Variants in KHDRBS1 observed in about 807,000 individuals in gnomAD.
KHDRBS1 encodes KH RNA binding domain containing, signal transduction associated 1, also known as KH domain-containing, RNA-binding, signal transduction-associated protein 1.
KHDRBS1 carries 7 observed loss-of-function variants against 48.4 expected under a neutral mutation model. That is an observed-to-expected ratio of 0.14 (90% CI 0.08 to 0.27). KHDRBS1 has a LOEUF of 0.27. Among genes scored for constraint, KHDRBS1 ranks in the 10% least tolerant of loss-of-function variants. The pLI is 1.00. For synonymous variants in KHDRBS1, 241 were observed against 235.8 expected, an observed-to-expected ratio of 1.02 and a Z score of -0.20; for missense variants, 458 against 601.2, an observed-to-expected ratio of 0.76 and a Z score of 2.49.
Position 32,036,970 on chromosome 1 carries a change from C to G in KHDRBS1, c.832C>G (p.Pro278Ala). 1 of 1,614,020 alleles carries G rather than the reference C, an allele frequency of 6.2e-7. No homozygotes were observed. The highest frequency in any genetic ancestry group is 8.5e-7 in the Non-Finnish European group (1 of 1,179,952). ...FLELSYLNGVPEPSRGRGVPV... is the reference protein window; with the variant it reads ...FLELSYLNGVAEPSRGRGVPV... Reference sequence around the variant, plus strand: ...AGAGCTGTCCTACTTGAATGGAGTACCTGAACCCTCTCGTGGACGTGGGGT... The same window carrying G: ...AGAGCTGTCCTACTTGAATGGAGTAGCTGAACCCTCTCGTGGACGTGGGGT... Residue 278 changes from proline to alanine, a missense_variant, in exon 5 of 9, where the codon CCT (proline) becomes GCT (alanine). Physicochemically the swap from Pro to Ala is conservative, Grantham distance 27. Coordinates refer to ENST00000327300, the MANE Select transcript of KHDRBS1 (RefSeq NM_006559.3).
intron 10 of KHDRBS1, among the ~76,000 whole-genome samples, chr1:32,048,889 T>G (rs1251026868): frequency 1.3e-5 from 2 of 152,040 alleles, no homozygotes; most frequent in African/African-American, 2.4e-5. Context: ...AGCCGTAGGC[T>G]ACTACTCTGC....
intron 1 of KHDRBS1, among the ~76,000 whole-genome samples, chr1:32,016,568 A>T (rs1638744686): frequency 6.6e-6 from 1 of 152,112 alleles, no homozygotes; most frequent in Non-Finnish European, 1.5e-5. Context: ...AGTGAAGATG[A>T]TAAGGCTAAG....
downstream of KHDRBS1, chr1:32,045,278 T>C (rs182080352): frequency 1.9e-3 from 292 of 152,792 alleles, 3 homozygotes; most frequent in Admixed American, 8.0e-3. Flanking sequence ...TTATTTTGTA[T>C]GTCTTTAAAA....
chr1:32,034,421 G>A (rs1367449020), intron 4 of KHDRBS1, among the ~76,000 whole-genome samples: 5 of 152,098 alleles, frequency 3.3e-5, no homozygotes, highest in Non-Finnish European at 7.4e-5. Flanking sequence ...TTAGCCGGGC[G>A]TGGTGGCACA....
chr1:32,021,305 C>G (rs893346989), intron 1 of KHDRBS1, among the ~76,000 whole-genome samples: 4 of 151,592 alleles, frequency 2.6e-5, no homozygotes, highest in African/African-American at 9.7e-5. Flanking sequence ...CTTTCTATAC[C>G]CATAGCCAAT....
chr1:32,025,470 T>C (rs1638949136), intron 1 of KHDRBS1, among the ~76,000 whole-genome samples: 1 of 151,146 alleles, frequency 6.6e-6, no homozygotes, highest in South Asian at 2.1e-4. Context: ...CCAGCTCATT[T>C]TTGTACTTTT....
At chr1:32,058,146 G>T (rs575333307) in intron 10 of KHDRBS1, among the ~76,000 whole-genome samples, 24 of 151,440 alleles carry the variant, frequency 1.6e-4, no homozygotes, top group Non-Finnish European at 2.9e-4. Flanking sequence ...GGGTCTCACT[G>T]CATTGATCAT....
At chr1:32,017,229 G>GC (rs1383384849) in intron 1 of KHDRBS1, among the ~76,000 whole-genome samples, 2 of 151,484 alleles carry the variant, frequency 1.3e-5, no homozygotes, top group African/African-American at 4.9e-5. Context: ...TTGCACTCCA[G>GC]CCTGGGTGAA....
chr1:32,047,164 AT>A (rs1182772248), downstream of KHDRBS1, among the ~76,000 whole-genome samples: 2 of 151,822 alleles, frequency 1.3e-5, no homozygotes, highest in Non-Finnish European at 2.9e-5. Context: ...TGTGAACTTT[AT>A]TTATTTATTT....
chr1:32,025,304 T>TG (rs1638944875), intron 1 of KHDRBS1, among the ~76,000 whole-genome samples: 2 of 137,658 alleles, frequency 1.5e-5, no homozygotes, highest in Admixed American at 7.1e-5. Flanking sequence ...TTTTTTTTTT[T>TG]TTTTTTTTTT....
chr1:32,059,921 C>T (rs1010039054), intron 10 of KHDRBS1, among the ~76,000 whole-genome samples: 1 of 152,088 alleles, frequency 6.6e-6, no homozygotes, highest in African/African-American at 2.4e-5. Context: ...TGGCCAAGGA[C>T]AGGAGATATT....
At chr1:32,015,964 A>AG (rs1342049075) in intron 1 of KHDRBS1, among the ~76,000 whole-genome samples, 1 of 152,116 alleles carries the variant, frequency 6.6e-6, no homozygotes, top group African/African-American at 2.4e-5. Flanking sequence ...GCTGATCGCG[A>AG]GGTCAGGAGT....
chr1:32,037,802 AAGCTCCATTT>A, intron 5 of KHDRBS1, 23 bp from the exon 6 acceptor site: 1 of 1,602,512 alleles, frequency 6.2e-7, no homozygotes, highest in Non-Finnish European at 8.5e-7. Context: ...TGTTTATAAA[AAGCTCCATTT>A]AAGATAAACT....
At chr1:32,040,216 C>T (rs928663174) in intron 8 of KHDRBS1, among the ~76,000 whole-genome samples, 3 of 152,010 alleles carry the variant, frequency 2.0e-5, no homozygotes, top group Non-Finnish European at 4.4e-5. Context: ...GAGTTCGAGA[C>T]CAGCCTGGCC....
chr1:32,054,061 C>T (rs1247992408), intron 10 of KHDRBS1, among the ~76,000 whole-genome samples: 1 of 151,656 alleles, frequency 6.6e-6, no homozygotes, highest in Non-Finnish European at 1.5e-5. Flanking sequence ...ACAACAAAAG[C>T]AAAACTGCAT....
At chr1:32,049,651 A>AT (rs971473424) in intron 10 of KHDRBS1, among the ~76,000 whole-genome samples, 3 of 149,138 alleles carry the variant, frequency 2.0e-5, no homozygotes, top group African/African-American at 7.4e-5. Flanking sequence ...GACTCTGTTT[A>AT]TTTTTTTATT....
rs768370132 is a variant in KHDRBS1 at position 32,013,969 on chromosome 1, C to G, written c.-27C>G. 6 of 1,449,868 alleles carry G rather than the reference C, an allele frequency of 4.1e-6. No homozygotes were observed. The highest frequency in any genetic ancestry group is 5.4e-6 in the Non-Finnish European group (6 of 1,108,574). The allele number at this position is 1,449,868 out of a possible 1,614,324, so 89.8% of individuals were successfully genotyped here. A position where few individuals can be genotyped will look rare whatever the true frequency, so the allele number is the denominator to read the frequency against. On this transcript the variant is annotated 5_prime_UTR_variant, in exon 1 of 9. Transcript: ENST00000327300. ...CTCCGTCGCTGCCGCGTCGCTTTCTCGCTCCTTGGATCGCACATCCTCCCA... is the reference window on the plus strand; with the variant it reads ...CTCCGTCGCTGCCGCGTCGCTTTCTGGCTCCTTGGATCGCACATCCTCCCA...
chr1:32,047,470 T>A (rs572395254), downstream of KHDRBS1, among the ~76,000 whole-genome samples: 1 of 152,210 alleles, frequency 6.6e-6, no homozygotes, highest in African/African-American at 2.4e-5. Flanking sequence ...GCCTGTGAAC[T>A]TTTATTACAA....
At chr1:32,040,048 T>G (rs553541064) in intron 8 of KHDRBS1, among the ~76,000 whole-genome samples, 2 of 151,906 alleles carry the variant, frequency 1.3e-5, no homozygotes, top group African/African-American at 4.8e-5. Context: ...AGAATGTCAT[T>G]GTAAAGGAAA....
Sources: allele counts gnomAD v4.1 joint callset (sites outside exome capture counted in the v4.1 genomes callset), GRCh38; gene constraint gnomAD v4.1.1; transcripts MANE v1.5; gene names NCBI Gene and HGNC (gene_info 2026-07-23, HGNC 2026-07-21).